FCGR2B: variants seen among roughly 807,000 people sequenced by gnomAD.
FCGR2B encodes the protein low affinity immunoglobulin gamma Fc region receptor II-b.
In FCGR2B, 18 loss-of-function variants were observed where a neutral mutation model predicts 24.8. That is an observed-to-expected ratio of 0.73 (90% CI 0.50 to 1.08). The LOEUF (loss-of-function observed/expected upper bound fraction) is 1.08, where lower values mean the gene tolerates loss of function less well. Among genes scored for constraint, FCGR2B ranks in the 50% least tolerant of loss-of-function variants. The probability of loss-of-function intolerance (pLI) is 0.00; values close to 1 mark genes in which losing one functional copy is unlikely to be tolerated. For synonymous variants in FCGR2B, 79 were observed against 109.8 expected (o/e 0.72, Z 1.75); for missense variants, 215 against 297.6 (o/e 0.72, Z 2.04).
rs1361052430 is a variant in FCGR2B at position 161,678,065 on chromosome 1, T to C, written c.*512T>C. The C allele has an allele frequency of 4.6e-6, 1 of 218,144 alleles. No individual in the cohort carries two copies. The highest frequency in any genetic ancestry group is 1.9e-4 in the South Asian group (1 of 5,404). 13.5% of individuals were successfully genotyped at this position (218,144 alleles called of 1,614,324 possible). ...AACATTATAAAAACAACATTCTGTT[T>C]ACCTTTTCAAGGCTGTATTGGTTGG... On this transcript the variant is annotated 3_prime_UTR_variant, in exon 8 of 8. Transcript: ENST00000358671.
At chr1:161,676,993 G>GA (rs1682201447) in intron 6 of FCGR2B, 1 of 407,896 alleles carries the variant, frequency 2.5e-6, no homozygotes, top group Non-Finnish European at 4.4e-6. Flanking sequence ...CTCTGATGCT[G>GA]AACACCCCCC....
At chr1:161,671,869 G>A in intron 3 of FCGR2B, 5 of 858,882 alleles carry the variant, frequency 5.8e-6, no homozygotes, top group Non-Finnish European at 8.8e-6. Context: ...AGAAGCAGAA[G>A]GAAATCCCTA....
At position 161,675,266 on chromosome 1, in the gene FCGR2B, G is replaced by A. The variant is rs1023994978; in HGVS notation, c.770G>A (p.Gly257Glu). The stretch of plus-strand genomic sequence containing the variant: ...TGTGTGCCCCTCCCAGCTCTCCCAG[G>A]ATACCCTGAGTGCAGGGAAATGGGA... Reference protein sequence around the residue: ...CRKKRISALPGYPECREMGET... With the variant: ...CRKKRISALPEYPECREMGET... The change falls in exon 6 of 8, where the codon GGA (glycine) becomes GAA (glutamate). Residue 257 changes from glycine (G) to glutamate (E), a missense_variant. By Grantham distance (98) the Gly-to-Glu change is moderately conservative. Coordinates refer to ENST00000358671, the MANE Select transcript of FCGR2B (RefSeq NM_001394477.1). 3 of 1,606,278 alleles carry A rather than the reference G, an allele frequency of 1.9e-6. No individual in the cohort carries two copies. Among genetic ancestry groups the A allele is most frequent in the African/African-American group, 2.7e-5 (2 of 74,306 alleles).
In FCGR2B at chr1:161,677,631, T is replaced by A; in HGVS notation, c.*78T>A. 7.7e-6 allele frequency: 9 copies of A among 1,162,428 alleles called. No homozygotes were observed. The highest frequency in any genetic ancestry group is 8.9e-6 in the Non-Finnish European group (7 of 785,752). The allele number at this position is 1,162,428 out of a possible 1,614,324, so 72.0% of individuals were successfully genotyped here. On this transcript the variant is annotated 3_prime_UTR_variant, in exon 8 of 8. Coordinates refer to ENST00000358671, the MANE Select transcript of FCGR2B (RefSeq NM_001394477.1). ...GGTATTTCCTGGCCTAAATTCCCCT[T>A]GGGGAGGACAGGGAGATGCTGCAGT... is the stretch of plus-strand genomic sequence containing the variant.
Position 161,675,287 on chromosome 1 carries a change from T to C in FCGR2B, c.791T>C (p.Met264Thr). 2 of 1,606,228 alleles carry C rather than the reference T, an allele frequency of 1.2e-6. No homozygotes were observed. The highest frequency in any genetic ancestry group is 2.2e-5 in the South Asian group (2 of 89,676). ...ALPGYPECRE[M>T]GETLPEKPAN... ...CCAGGATACCCTGAGTGCAGGGAAA[T>C]GGGAGAGACCCTCCCTGAGAAACCA... is the stretch of plus-strand genomic sequence containing the variant. Residue 264 changes from methionine to threonine, a missense_variant, in exon 6 of 8, where the codon ATG becomes ACG. Coordinates refer to ENST00000358671, the MANE Select transcript of FCGR2B (RefSeq NM_001394477.1).
the FCGR2B span, among the ~76,000 whole-genome samples, chr1:161,647,981 A>G: frequency 6.6e-6 from 1 of 150,752 alleles, no homozygotes; most frequent in East Asian, 1.9e-4. Flanking sequence ...TAACTCATGG[A>G]AGGCTTTATG....
Position 161,677,341 on chromosome 1 carries a change from T to C in FCGR2B, c.831T>C (p.Asn277=). 1 of 1,614,022 alleles carries C rather than the reference T, an allele frequency of 6.2e-7. No homozygotes were observed. Among genetic ancestry groups the C allele is most frequent in the Non-Finnish European group, 8.5e-7 (1 of 1,179,956 alleles). Residue 277 remains asparagine (N), a synonymous_variant, in exon 7 of 8, where the codon AAT becomes AAC. Coordinates refer to ENST00000358671, the MANE Select transcript of FCGR2B (RefSeq NM_001394477.1). ...TLPEKPANPT[N]PDEADKVGAE... is the part of the protein sequence containing the mutation. ...TTTTTCCCACAGCCAATCCCACTAATCCTGATGAGGCTGACAAAGTTGGGG... is the reference window on the plus strand; with the variant it reads ...TTTTTCCCACAGCCAATCCCACTAACCCTGATGAGGCTGACAAAGTTGGGG...
chr1:161,649,769 C>CTAT, the FCGR2B span, among the ~76,000 whole-genome samples: 1 of 149,584 alleles, frequency 6.7e-6, no homozygotes, highest in Admixed American at 6.7e-5. Flanking sequence ...GGCCGTTGTA[C>CTAT]TATTATTATT....
the FCGR2B span, among the ~76,000 whole-genome samples, chr1:161,650,590 C>A: frequency 6.8e-6 from 1 of 146,258 alleles, no homozygotes; most frequent in East Asian, 2.0e-4. Flanking sequence ...GTTGTAATAG[C>A]CAAAAGTGTC....
At chr1:161,669,604 T>TA in intron 1 of FCGR2B, among the ~76,000 whole-genome samples, 1 of 142,328 alleles carries the variant, frequency 7.0e-6, no homozygotes, top group African/African-American at 2.5e-5. Flanking sequence ...TAAAATAAAA[T>TA]AAAATAAAAT....
the FCGR2B span, among the ~76,000 whole-genome samples, chr1:161,648,790 A>G: frequency 1.3e-4 from 19 of 150,934 alleles, 3 homozygotes; most frequent in Admixed American, 1.0e-3. Flanking sequence ...TCCAGGTTCA[A>G]GTGATTCTCA....
Position 161,675,420 on chromosome 1 carries a change from G to A in FCGR2B, c.817+107G>A, listed in dbSNP as rs1266319570. The A allele has an allele frequency of 6.6e-6, 5 of 755,262 alleles. No homozygotes were observed. In the South Asian group the frequency reaches 1.1e-4, roughly 16 times the overall value. The allele number at this position is 755,262 out of a possible 1,614,324, so 46.8% of individuals were successfully genotyped here. A position where few individuals can be genotyped will look rare whatever the true frequency, so the allele number is the denominator to read the frequency against. On this transcript the variant is annotated intron_variant, in intron 6 of 7. Coordinates refer to ENST00000358671, the MANE Select transcript of FCGR2B (RefSeq NM_001394477.1). ...GCAAGTTCAGCTGGGAGCCAGGGAG[G>A]GAGCAGCAGTGGGAGGATGGCTGGG...
At chr1:161,651,856 C>A in the FCGR2B span, among the ~76,000 whole-genome samples, 1 of 126,882 alleles carries the variant, frequency 7.9e-6, no homozygotes, top group Non-Finnish European at 1.8e-5. Flanking sequence ...TTGCTTGAAC[C>A]CAGGAGGCAG....
Position 161,677,578 on chromosome 1 carries a change from T to C in FCGR2B, c.*25T>C. 6.4e-7 allele frequency: 1 copy of C among 1,563,108 alleles called. No individual in the cohort carries two copies. Among genetic ancestry groups the C allele is most frequent in the Non-Finnish European group, 8.8e-7 (1 of 1,137,376 alleles). ...GTCTCCATTGTCTTGCATTGGGATT[T>C]GAGAAGAAAATCAGAGAGGGAAGAT... On this transcript the variant is annotated 3_prime_UTR_variant, in exon 8 of 8. Coordinates refer to ENST00000358671, the MANE Select transcript of FCGR2B (RefSeq NM_001394477.1).
rs1682259150 is a variant in FCGR2B at position 161,677,600 on chromosome 1, A to G, written c.*47A>G. 1 of 1,441,088 alleles carries G rather than the reference A, an allele frequency of 6.9e-7. No individual in the cohort carries two copies. The highest frequency in any genetic ancestry group is 1.4e-5 in the African/African-American group (1 of 70,874). 89.3% of individuals were successfully genotyped at this position (1,441,088 alleles called of 1,614,324 possible). A position where few individuals can be genotyped will look rare whatever the true frequency, so the allele number is the denominator to read the frequency against. ...ATTTGAGAAGAAAATCAGAGAGGGAAGATCTGGTATTTCCTGGCCTAAATT... is the reference window on the plus strand; with the variant it reads ...ATTTGAGAAGAAAATCAGAGAGGGAGGATCTGGTATTTCCTGGCCTAAATT... On this transcript the variant is annotated 3_prime_UTR_variant, in exon 8 of 8. Coordinates refer to ENST00000358671, the MANE Select transcript of FCGR2B (RefSeq NM_001394477.1).
At chr1:161,674,471 C>G (rs1681949905) in intron 5 of FCGR2B, 1 of 361,002 alleles carries the variant, frequency 2.8e-6, no homozygotes, top group Non-Finnish European at 5.4e-6. Flanking sequence ...TTGGGGAGAG[C>G]AGTGTAGTGT....
At chr1:161,676,319 G>A (rs888833007) in intron 6 of FCGR2B, 3 of 198,168 alleles carry the variant, frequency 1.5e-5, no homozygotes, top group African/African-American at 6.9e-5. Flanking sequence ...CTTGCAGCAA[G>A]GTCGCATGTC....
chr1:161,676,067 C>T (rs902954170), intron 6 of FCGR2B: 2 of 231,294 alleles, frequency 8.6e-6, no homozygotes, highest in Non-Finnish European at 8.6e-6. Context: ...CAGGGGCCAC[C>T]CAAGCCCTGG....
At chr1:161,661,248 AAG>A (rs1232368167), upstream of FCGR2B, among the ~76,000 whole-genome samples, 2 of 45,312 alleles carry the variant, frequency 4.4e-5, 1 homozygote, top group African/African-American at 1.6e-4. Context: ...GAAAGAAAGA[AAG>A]AAAGAAAGAA....
Sources: allele counts gnomAD v4.1 joint callset (sites outside exome capture counted in the v4.1 genomes callset), GRCh38; gene constraint gnomAD v4.1.1; transcripts MANE v1.5; gene names NCBI Gene and HGNC (gene_info 2026-07-23, HGNC 2026-07-21).